Variants in TSACC observed in about 807,000 individuals in gnomAD.
TSACC encodes the protein TSSK6 activating cochaperone, also known as TSSK6-activating co-chaperone protein.
In TSACC, 3 loss-of-function variants were observed where a neutral mutation model predicts 6.9. The ratio of observed to expected loss-of-function variants is 0.43; its 90% CI spans 0.20 to 1.12. The LOEUF is 1.12. Among genes scored for constraint, TSACC ranks in the 50% most tolerant of loss-of-function variants. TSACC has a pLI of 0.28. For missense variants in TSACC, 137 were observed against 143.9 expected, an observed-to-expected ratio of 0.95 and a Z score of 0.24; for synonymous variants, 54 against 55.1, an observed-to-expected ratio of 0.98 and a Z score of 0.09.
Position 156,346,939 on chromosome 1 carries a change from C to T in TSACC, c.335C>T (p.Ser112Phe), listed in dbSNP as rs1183613375. 1.2e-6 allele frequency: 2 copies of T among 1,614,210 alleles called. No homozygotes were observed. The highest frequency in any genetic ancestry group is 8.5e-7 in the Non-Finnish European group (1 of 1,180,036). ...AATAACTCTTCTCTCCCAGCCTTAT[C>T]TCCTAATCCATTGTTAAATCACCTG... ...GSNNSSLPAL[S>F]PNPLLNHLPQ... Residue 112 changes from serine to phenylalanine, a missense_variant, in exon 4 of 4, where the codon TCT (serine) becomes TTT (phenylalanine). Coordinates refer to ENST00000368254, the MANE Select transcript of TSACC (RefSeq NM_001304817.2).
intron 2 of TSACC, among the ~76,000 whole-genome samples, chr1:156,342,242 G>A (rs948016446): frequency 1.3e-5 from 2 of 152,106 alleles, no homozygotes; most frequent in Non-Finnish European, 2.9e-5. Context: ...TTCTGCACAA[G>A]CCATCAAGTG....
Position 156,344,786 on chromosome 1 carries a change from C to G in TSACC, c.163+78C>G. 2.0e-6 allele frequency: 3 copies of G among 1,537,044 alleles called. No homozygotes were observed. In the South Asian group the frequency reaches 3.7e-5, roughly 19 times the overall value. On this transcript the variant is annotated intron_variant, in intron 3 of 3. Coordinates refer to ENST00000368254, the MANE Select transcript of TSACC (RefSeq NM_001304817.2). The stretch of plus-strand genomic sequence containing the variant: ...TGGAGGAGGTGGCTTGAGCTGTCGC[C>G]TATTGATCAAGAGCCAAATCTATGT...
chr1:156,339,684 G>C lies in TSACC; in HGVS notation c.-74G>C. The C allele has an allele frequency of 6.3e-7, 1 of 1,591,222 alleles. No homozygotes were observed. The highest frequency in any genetic ancestry group is 8.6e-7 in the Non-Finnish European group (1 of 1,161,706). On this transcript the variant is annotated 5_prime_UTR_variant, in exon 2 of 4. Coordinates refer to ENST00000368254, the MANE Select transcript of TSACC (RefSeq NM_001304817.2). ...AGACAACTTAGGAAATTATCATAGT[G>C]AAAATACTAACATGGATTGTTGATC...
Position 156,346,778 on chromosome 1 carries a change from G to A in TSACC, c.174G>A (p.Lys58=), listed in dbSNP as rs1666210083. Residue 58 remains lysine, a synonymous_variant, in exon 4 of 4, where the codon AAG becomes AAA. Coordinates refer to ENST00000368254, the MANE Select transcript of TSACC (RefSeq NM_001304817.2). ...QTTKLPSVDH[K]PKECLGLLEC... ...CTTTTCCTTCTGGAGTTGATCACAA[G>A]CCCAAGGAATGCCTAGGACTCCTGG... 2 of 1,613,926 alleles carry A rather than the reference G, an allele frequency of 1.2e-6. No homozygotes were observed. The highest frequency in any genetic ancestry group is 1.3e-5 in the African/African-American group (1 of 74,890).
chr1:156,338,574 G>T lies in TSACC; in HGVS notation c.-156G>T, dbSNP rs1205540581. 9.6e-6 allele frequency: 3 copies of T among 311,066 alleles called. No homozygotes were observed. Among genetic ancestry groups the T allele is most frequent in the Non-Finnish European group, 1.8e-5 (3 of 163,744 alleles). 19.3% of individuals were successfully genotyped at this position (311,066 alleles called of 1,614,324 possible). ...ATGTGTGTCAACTCTAGGGTTGGGT[G>T]CTGGGGTTGCGGCTTTCGGTTAACA... On this transcript the variant is annotated 5_prime_UTR_variant, in exon 1 of 4. Coordinates refer to ENST00000368254, the MANE Select transcript of TSACC (RefSeq NM_001304817.2).
rs749294199 is a variant in TSACC, at chr1:156,338,527, G to T, written c.-203G>T. 5 of 482,692 alleles carry T rather than the reference G, an allele frequency of 1.0e-5. No individual in the cohort carries two copies. The highest frequency in any genetic ancestry group is 1.9e-5 in the Non-Finnish European group (5 of 265,846). The allele number at this position is 482,692 out of a possible 1,614,324, so 29.9% of individuals were successfully genotyped here. On this transcript the variant is annotated 5_prime_UTR_variant, in exon 1 of 4. Transcript: ENST00000368254. ...CGGCGCAGGCGCCAAGGCTCTGGCA[G>T]TTGGCCAGCACACCACTACGCATGT...
At chr1:156,344,244 T>G (rs918450435) in intron 2 of TSACC, among the ~76,000 whole-genome samples, 5 of 152,216 alleles carry the variant, frequency 3.3e-5, no homozygotes, top group Non-Finnish European at 5.9e-5. Context: ...AGATCACTGT[T>G]TCACCTGTGT....
chr1:156,343,412 A>G (rs1055873425), intron 2 of TSACC, among the ~76,000 whole-genome samples: 1 of 152,124 alleles, frequency 6.6e-6, no homozygotes, highest in African/African-American at 2.4e-5. Context: ...TCTCTCTCCT[A>G]TGCTTTTCCT....
At chr1:156,338,038 G>T, upstream of TSACC, 4 of 1,141,384 alleles carry the variant, frequency 3.5e-6, no homozygotes, top group Non-Finnish European at 3.9e-6. Context: ...AAATGAAGAC[G>T]ATGATTGGAA....
chr1:156,342,716 T>G (rs547480174), intron 2 of TSACC, among the ~76,000 whole-genome samples: 1 of 152,246 alleles, frequency 6.6e-6, no homozygotes, highest in Non-Finnish European at 1.5e-5. Context: ...GTGTGCTTGA[T>G]CACCTAATGC....
upstream of TSACC, chr1:156,338,362 A>G (rs1392634592): frequency 4.1e-5 from 26 of 633,176 alleles, no homozygotes; most frequent in Non-Finnish European, 5.6e-5. Flanking sequence ...ACAAAAACAG[A>G]CCAATTGACA....
At position 156,346,951 on chromosome 1, in the gene TSACC, T is replaced by G. The variant is rs760955557; in HGVS notation, c.347T>G (p.Leu116Trp). The G allele has an allele frequency of 6.2e-7, 1 of 1,614,002 alleles. No individual in the cohort carries two copies. Among genetic ancestry groups the G allele is most frequent in the South Asian group, 1.1e-5 (1 of 91,086 alleles). Residue 116 changes from leucine to tryptophan, a missense_variant, in exon 4 of 4, where the codon TTG becomes TGG. By Grantham distance (61) the Leu-to-Trp change is moderately conservative (BLOSUM62 -2). Coordinates refer to ENST00000368254, the MANE Select transcript of TSACC (RefSeq NM_001304817.2). ...SSLPALSPNP[L>W]LNHLPQFSK ...CTCCCAGCCTTATCTCCTAATCCAT[T>G]GTTAAATCACCTGCCCCAATTCAGT...
At position 156,344,689 on chromosome 1, in the gene TSACC, G is replaced by T; in HGVS notation, c.144G>T (p.Gln48His). ...SSPPATFLNIQTTKLPSVDHK... is the reference protein window; with the variant it reads ...SSPPATFLNIHTTKLPSVDHK... ...CACCAGCCACTTTTCTGAACATCCA[G>T]ACAACAAAGCTGCCCTCGGGTAAGG... The change falls in exon 3 of 4, where the codon CAG becomes CAT. Residue 48 changes from glutamine to histidine, a missense_variant. Physicochemically the swap from Gln to His is conservative, Grantham distance 24. Coordinates refer to ENST00000368254, the MANE Select transcript of TSACC (RefSeq NM_001304817.2). 1.9e-6 allele frequency: 3 copies of T among 1,614,056 alleles called. No individual in the cohort carries two copies. Among genetic ancestry groups the T allele is most frequent in the Non-Finnish European group, 2.5e-6 (3 of 1,180,010 alleles).
At chr1:156,346,569 C>T (rs1303145231) in intron 3 of TSACC, among the ~76,000 whole-genome samples, 199 bp from the exon 4 acceptor site, 1 of 152,048 alleles carries the variant, frequency 6.6e-6, no homozygotes. Flanking sequence ...GTAATAAGTT[C>T]CAGTGATTGA....
At chr1:156,345,434 G>T (rs1302626741) in intron 3 of TSACC, among the ~76,000 whole-genome samples, 2 of 150,976 alleles carry the variant, frequency 1.3e-5, no homozygotes, top group African/African-American at 4.9e-5. Context: ...GTGGTGGCAG[G>T]TGCCTGTAAT....
chr1:156,338,560 C>T lies in TSACC; in HGVS notation c.-170C>T. 2.8e-6 allele frequency: 1 copy of T among 363,576 alleles called. No homozygotes were observed. The allele number at this position is 363,576 out of a possible 1,614,324, so 22.5% of individuals were successfully genotyped here. ...GCACACCACTACGCATGTGTGTCAA[C>T]TCTAGGGTTGGGTGCTGGGGTTGCG... On this transcript the variant is annotated 5_prime_UTR_variant, in exon 1 of 4. Transcript: ENST00000368254.
At chr1:156,344,460 G>C (rs1353623211) in intron 2 of TSACC, 120 bp from the exon 3 acceptor site, 1 of 1,371,954 alleles carries the variant, frequency 7.3e-7, no homozygotes, top group East Asian at 2.4e-5. Context: ...GTATCTTTCT[G>C]ATATGTAACA....
In TSACC at chr1:156,346,857, G is replaced by A. The variant is rs752939785; in HGVS notation, c.253G>A (p.Ala85Thr). ...GACCCAGCTCGCCCAACAACAGATG[G>A]CTGTTTTGGAACATTTACAGGCATC... ...LQTQLAQQQMAVLEHLQASVT... is the reference protein window; with the variant it reads ...LQTQLAQQQMTVLEHLQASVT... The change falls in exon 4 of 4, where the codon GCT becomes ACT. Residue 85 changes from alanine to threonine, a missense_variant. Ala to Thr is a moderately conservative substitution (Grantham distance 58). Transcript: ENST00000368254. 6.2e-7 allele frequency: 1 copy of A among 1,614,186 alleles called. No individual in the cohort carries two copies. Among genetic ancestry groups the A allele is most frequent in the Admixed American group, 1.7e-5 (1 of 60,016 alleles).
At position 156,338,624 on chromosome 1, in the gene TSACC, GTATTGCGACTCGGC is replaced by G; in HGVS notation, c.-125+21_-125+34del. 1 of 202,438 alleles carries G rather than the reference GTATTGCGACTCGGC, an allele frequency of 4.9e-6. No homozygotes were observed. Among genetic ancestry groups the G allele is most frequent in the South Asian group, 9.1e-5 (1 of 10,942 alleles). The allele number at this position is 202,438 out of a possible 1,614,324, so 12.5% of individuals were successfully genotyped here. On this transcript the variant is annotated intron_variant, in intron 1 of 3. Transcript: ENST00000368254. ...ACCGCAGGTGAGGTCGTTAAACTGT[GTATTGCGACTCGGC>G]TCCTATCGGACCGTGAAGGCTAAGA...
Sources: gnomAD v4.1 joint callset for allele counts (sites outside exome capture counted in the v4.1 genomes callset) on GRCh38, gnomAD v4.1.1 for gene constraint, MANE v1.5 for transcripts, NCBI Gene and HGNC (gene_info 2026-07-23, HGNC 2026-07-21) for gene names.